Variants in PKHD1 observed in about 807,000 individuals in gnomAD.
PKHD1 encodes the protein fibrocystin.
Under a neutral mutation model 412.0 loss-of-function variants are expected in PKHD1, and 291 were observed. That is an observed-to-expected ratio of 0.71 (90% CI 0.64 to 0.78). The LOEUF is 0.78. PKHD1 is among the 30% of genes least tolerant of loss of function. The probability of loss-of-function intolerance (pLI) is 0.00; values close to 1 mark genes in which losing one functional copy is unlikely to be tolerated. For missense variants in PKHD1, 4,825 were observed against 4,950.7 expected (o/e 0.97, Z 0.76); for synonymous variants, 1,777 against 1,821.5 (o/e 0.98, Z 0.62).
intron 65 of PKHD1, 25 bp from the exon 66 acceptor site, chr6:51,627,141 AT>A (rs1561982149): frequency 1.2e-6 from 2 of 1,609,418 alleles, no homozygotes; most frequent in Middle Eastern, 1.7e-4. Context: ...AAGAAAAAGG[AT>A]TTTTTTGTTC....
intron 60 of PKHD1, among the ~76,000 whole-genome samples, chr6:51,698,700 G>C (rs1458517652): frequency 3.3e-5 from 5 of 152,106 alleles, no homozygotes; most frequent in Non-Finnish European, 7.4e-5. Flanking sequence ...GTATCAATAT[G>C]TATGTCGCTT....
intron 52 of PKHD1, among the ~76,000 whole-genome samples, chr6:51,800,639 T>A (rs1172853959): frequency 6.6e-6 from 1 of 152,212 alleles, no homozygotes; most frequent in Admixed American, 6.5e-5. Flanking sequence ...GTCTGACACT[T>A]GTCTAAATCC....
chr6:51,899,588 T>C (rs56232587), intron 43 of PKHD1, among the ~76,000 whole-genome samples: 7,854 of 150,468 alleles, frequency 0.052, 268 homozygotes, highest in African/African-American at 0.093. Flanking sequence ...CTGGAAGCAT[T>C]CCCTTTGAAA....
intron 60 of PKHD1, among the ~76,000 whole-genome samples, chr6:51,692,862 T>G (rs1188548592): frequency 1.3e-5 from 2 of 152,202 alleles, no homozygotes; most frequent in Non-Finnish European, 2.9e-5. Flanking sequence ...GTCAACACTA[T>G]TCTCAGTAAT....
intron 61 of PKHD1, among the ~76,000 whole-genome samples, chr6:51,651,543 G>GGGCAC (rs1770971875): frequency 6.6e-6 from 1 of 152,050 alleles, no homozygotes; most frequent in Non-Finnish European, 1.5e-5. Context: ...CAAAGGAAAA[G>GGGCAC]GGCACTGTCT....
At chr6:51,690,257 G>C (rs1777980060) in intron 60 of PKHD1, among the ~76,000 whole-genome samples, 1 of 129,644 alleles carries the variant, frequency 7.7e-6, no homozygotes, top group Non-Finnish European at 1.6e-5. Context: ...GGGTGACAGA[G>C]TGAGACTCCA....
chr6:51,925,457 G>GTGTGTGTGTGTGTA (rs1554140255), intron 37 of PKHD1, among the ~76,000 whole-genome samples: 9 of 128,930 alleles, frequency 7.0e-5, no homozygotes, highest in Non-Finnish European at 1.2e-4. Context: ...GTGTGTGTAT[G>GTGTGTGTGTGTGTA]TGTGTGTGTG....
intron 63 of PKHD1, among the ~76,000 whole-genome samples, chr6:51,643,746 G>T (rs1769696554): frequency 1.3e-5 from 2 of 151,950 alleles, no homozygotes; most frequent in Non-Finnish European, 2.9e-5. Context: ...TGTTACGTAG[G>T]CAAACATGCG....
intron 26 of PKHD1, 27 bp from the exon 27 acceptor site, chr6:52,043,161 C>G: frequency 3.2e-6 from 5 of 1,559,740 alleles, no homozygotes; most frequent in Non-Finnish European, 4.4e-6. Flanking sequence ...AATTAAAAAA[C>G]AAATAAAATA....
At chr6:51,982,181 G>C (rs1226808105) in intron 35 of PKHD1, among the ~76,000 whole-genome samples, 1 of 38,544 alleles carries the variant, frequency 2.6e-5, no homozygotes, top group Non-Finnish European at 5.6e-5. Context: ...GTCCGGGAGG[G>C]AGGTGGGGGG....
chr6:51,939,705 T>C (rs186020488), intron 36 of PKHD1, among the ~76,000 whole-genome samples: 1 of 151,550 alleles, frequency 6.6e-6, no homozygotes. Flanking sequence ...ATGCGACTCA[T>C]CCCAAATCCT....
At chr6:52,082,667 T>G in intron 3 of PKHD1, 125 bp from the exon 4 acceptor site, 1 of 822,142 alleles carries the variant, frequency 1.2e-6, no homozygotes, top group Non-Finnish European at 2.1e-6. Context: ...AAATTAATAC[T>G]CCTCATTTCC....
chr6:51,699,511 T>A (rs1201992634), intron 60 of PKHD1, among the ~76,000 whole-genome samples: 1 of 152,188 alleles, frequency 6.6e-6, no homozygotes, highest in Non-Finnish European at 1.5e-5. Context: ...CTGTCACAAA[T>A]GAAGCTACTA....
intron 64 of PKHD1, among the ~76,000 whole-genome samples, chr6:51,634,977 C>A (rs950975111): frequency 2.6e-5 from 4 of 152,126 alleles, no homozygotes; most frequent in Non-Finnish European, 5.9e-5. Context: ...AACTTCAGTA[C>A]AATGAGTGGC....
chr6:51,803,671 A>G lies in PKHD1; in HGVS notation c.8303-12298T>C, dbSNP rs528430839. 2.0e-5 allele frequency among the ~76,000 whole-genome samples: 3 copies of G among 151,688 alleles called. 1 individual carries two copies. Among genetic ancestry groups the G allele is most frequent in the African/African-American group, 7.3e-5 (3 of 40,994 alleles). On this transcript the variant is annotated intron_variant, in intron 52 of 66. Transcript: ENST00000371117. ...ACACTGTGATATATGCCAAAGAAAC[A>G]AACATAAATAAAACAAGGCTCCTAC...
rs1338174276 is a variant in PKHD1 at position 51,622,773 on chromosome 6, C to T, written c.11786-3253G>A. The T allele has an allele frequency of 3.3e-5, 5 of 152,228 alleles. No homozygotes were observed. The East Asian group carries it at 7.7e-4, about 24-fold the overall frequency. The allele number at this position is 152,228 out of a possible 1,614,324, so 9.4% of individuals were successfully genotyped here. ...ATATGTTTTAGTAAACCTAATTTAA[C>T]TCATTAATCCATCTGGAATTTCCTT... On this transcript the variant is annotated intron_variant, in intron 66 of 66. Transcript: ENST00000371117.
chr6:52,081,273 G>A (rs73739193), intron 4 of PKHD1, among the ~76,000 whole-genome samples: 4,315 of 152,228 alleles, frequency 0.028, 200 homozygotes, highest in African/African-American at 0.098. Context: ...ATGCCCAAAT[G>A]TGCCATAAAA....
chr6:51,625,737 A>AT (rs1767142876), intron 66 of PKHD1, among the ~76,000 whole-genome samples: 1 of 152,170 alleles, frequency 6.6e-6, no homozygotes, highest in African/African-American at 2.4e-5. Context: ...TAAGAGAGAG[A>AT]TTAGTACTGC....
At chr6:51,643,122 T>C (rs961396400) in intron 63 of PKHD1, among the ~76,000 whole-genome samples, 1 of 152,130 alleles carries the variant, frequency 6.6e-6, no homozygotes, top group African/African-American at 2.4e-5. Context: ...CTGTTACATA[T>C]CCTAAGCACT....
Sources: gnomAD v4.1 joint callset for allele counts (sites outside exome capture counted in the v4.1 genomes callset) on GRCh38, gnomAD v4.1.1 for gene constraint, MANE v1.5 for transcripts, NCBI Gene and HGNC (gene_info 2026-07-23, HGNC 2026-07-21) for gene names.